Variants in NBEA observed in about 807,000 individuals in gnomAD.
NBEA encodes the protein neurobeachin.
A neutral mutation model predicts 343.4 loss-of-function variants in NBEA; 44 were observed. The observed-to-expected ratio is 0.13, with a 90% confidence interval of 0.10 to 0.16. The LOEUF (loss-of-function observed/expected upper bound fraction) is 0.16, where lower values mean the gene tolerates loss of function less well. Among genes scored for constraint, NBEA ranks in the 10% least tolerant of loss-of-function variants. NBEA has a pLI of 1.00. For missense variants in NBEA, 2,555 were observed against 3,631.3 expected, an observed-to-expected ratio of 0.70 and a Z score of 7.62; for synonymous variants, 1,175 against 1,238.7, an observed-to-expected ratio of 0.95 and a Z score of 1.08.
chr13:35,561,327 C>T (rs1054784961), intron 44 of NBEA, among the ~76,000 whole-genome samples: 10 of 151,986 alleles, frequency 6.6e-5, no homozygotes, highest in Non-Finnish European at 1.3e-4. Flanking sequence ...ATTCTTTAAA[C>T]GTCTTGGATT....
intron 33 of NBEA, among the ~76,000 whole-genome samples, chr13:35,231,606 A>G (rs868494316): frequency 7.9e-5 from 12 of 152,198 alleles, no homozygotes; most frequent in African/African-American, 1.4e-4. Context: ...AAAAAAGTGA[A>G]CATTATTGAC....
intron 18 of NBEA, among the ~76,000 whole-genome samples, chr13:35,145,040 A>ACTT (rs2068331677): frequency 6.6e-6 from 1 of 152,164 alleles, no homozygotes; most frequent in African/African-American, 2.4e-5. Context: ...CTGTTAGTAA[A>ACTT]TCTTTTGAAC....
At position 35,118,487 on chromosome 13, in the gene NBEA, T is replaced by C. The variant is rs190048789; in HGVS notation, c.2243+13T>C. ...GAAATGGAATAAGGTATGATTATAATATTAGTATTACTATTAGACTTTAAT... is the reference window on the plus strand; with the variant it reads ...GAAATGGAATAAGGTATGATTATAACATTAGTATTACTATTAGACTTTAAT... On this transcript the variant is annotated intron_variant, in intron 16 of 58. Transcript: ENST00000379939. 574 of 1,545,928 alleles carry C rather than the reference T, an allele frequency of 3.7e-4. 1 individual carries two copies. In the African/African-American group the frequency reaches 7.1e-3, roughly 19 times the overall value.
chr13:34,983,618 A>T (rs1346358045), intron 1 of NBEA, among the ~76,000 whole-genome samples: 1 of 152,160 alleles, frequency 6.6e-6, no homozygotes, highest in Non-Finnish European at 1.5e-5. Flanking sequence ...CAATGGTTGA[A>T]CTAGTTTACA....
chr13:35,118,229 A>G lies in NBEA; in HGVS notation c.2084A>G (p.Asp695Gly). ...LLFLKQLILK[D>G]RGVKEDELQS... The stretch of plus-strand genomic sequence containing the variant: ...AATAAAATATTTTTTAAAAATTAGG[A>G]TCGAGGGGTCAAGGAAGATGAACTT... Residue 695 changes from aspartate to glycine, a missense_variant and splice_region_variant, in exon 15 of 59, where the codon GAT becomes GGT. Coordinates refer to ENST00000379939, the MANE Select transcript of NBEA (RefSeq NM_001385012.1). The G allele has an allele frequency of 6.7e-7, 1 of 1,493,590 alleles. No individual in the cohort carries two copies. The highest frequency in any genetic ancestry group is 9.0e-7 in the Non-Finnish European group (1 of 1,115,128). The allele number at this position is 1,493,590 out of a possible 1,614,324, so 92.5% of individuals were successfully genotyped here. A position where few individuals can be genotyped will look rare whatever the true frequency, so the allele number is the denominator to read the frequency against.
chr13:35,357,265 T>C (rs1037915725), intron 38 of NBEA, among the ~76,000 whole-genome samples: 2 of 152,038 alleles, frequency 1.3e-5, no homozygotes, highest in Non-Finnish European at 2.9e-5. Flanking sequence ...CTGTGTAATC[T>C]CGAACAGAGA....
chr13:35,641,621 T>C (rs972461370), intron 49 of NBEA, among the ~76,000 whole-genome samples: 4 of 152,156 alleles, frequency 2.6e-5, no homozygotes, highest in Non-Finnish European at 5.9e-5. Flanking sequence ...GAATAAAAAA[T>C]AATTGATGAT....
intron 48 of NBEA, among the ~76,000 whole-genome samples, chr13:35,611,767 A>G (rs147845137): frequency 2.6e-5 from 4 of 152,322 alleles, no homozygotes; most frequent in African/African-American, 9.6e-5. Context: ...ACATAATACT[A>G]CCACATTGTG....
At chr13:35,503,983 C>A (rs952948064) in intron 41 of NBEA, among the ~76,000 whole-genome samples, 10 of 151,912 alleles carry the variant, frequency 6.6e-5, no homozygotes, top group Admixed American at 6.6e-5. Flanking sequence ...TTGAAGTGTG[C>A]AAAATTTATG....
At chr13:35,141,777 T>G (rs1193728961) in intron 17 of NBEA, among the ~76,000 whole-genome samples, 1 of 152,198 alleles carries the variant, frequency 6.6e-6, no homozygotes, top group Non-Finnish European at 1.5e-5. Context: ...TCTCTTTAAT[T>G]ATGCAGAATT....
At chr13:35,608,582 G>A (rs950923937) in intron 48 of NBEA, among the ~76,000 whole-genome samples, 6 of 152,118 alleles carry the variant, frequency 3.9e-5, no homozygotes, top group South Asian at 2.1e-4. Context: ...TAGTTGTTCA[G>A]GAAATATTTC....
At chr13:35,307,417 C>T (rs1055100622) in intron 35 of NBEA, among the ~76,000 whole-genome samples, 4 of 152,048 alleles carry the variant, frequency 2.6e-5, no homozygotes, top group Admixed American at 2.6e-4. Context: ...CTTACTTCTA[C>T]TGTTCCTCCA....
At chr13:35,328,259 C>T (rs1307250882) in intron 36 of NBEA, among the ~76,000 whole-genome samples, 1 of 151,750 alleles carries the variant, frequency 6.6e-6, no homozygotes, top group East Asian at 1.9e-4. Flanking sequence ...ATAAAATAAA[C>T]CATTATAATA....
At chr13:35,099,343 C>T (rs1414003012) in intron 11 of NBEA, among the ~76,000 whole-genome samples, 3 of 151,850 alleles carry the variant, frequency 2.0e-5, no homozygotes, top group Admixed American at 1.3e-4. Flanking sequence ...GAACTACAGG[C>T]GCCCACCACC....
At chr13:35,230,885 C>G (rs2074933842) in intron 33 of NBEA, among the ~76,000 whole-genome samples, 1 of 152,032 alleles carries the variant, frequency 6.6e-6, no homozygotes, top group Non-Finnish European at 1.5e-5. Flanking sequence ...CACAGACCTG[C>G]TGAATCAGAG....
At chr13:35,561,311 C>T (rs1218279612) in intron 44 of NBEA, among the ~76,000 whole-genome samples, 1 of 151,912 alleles carries the variant, frequency 6.6e-6, no homozygotes, top group East Asian at 1.9e-4. Flanking sequence ...AATTACTGGA[C>T]GAGGGATTCT....
At chr13:35,136,488 T>C (rs2067735581) in intron 17 of NBEA, among the ~76,000 whole-genome samples, 1 of 152,150 alleles carries the variant, frequency 6.6e-6, no homozygotes. Context: ...AAGTAATGTA[T>C]GGAAAAAGCA....
chr13:35,287,445 A>G (rs531886837), intron 34 of NBEA, among the ~76,000 whole-genome samples: 2 of 151,992 alleles, frequency 1.3e-5, no homozygotes, highest in Non-Finnish European at 2.9e-5. Context: ...TCAAAACCAT[A>G]TAATTTTCCT....
chr13:35,539,793 G>A (rs1227681081), intron 41 of NBEA, among the ~76,000 whole-genome samples: 1 of 151,222 alleles, frequency 6.6e-6, no homozygotes, highest in Non-Finnish European at 1.5e-5. Flanking sequence ...GCGGGCGCCT[G>A]TAGTCCCAGC....
Sources: gnomAD v4.1 joint callset for allele counts (sites outside exome capture counted in the v4.1 genomes callset) on GRCh38, gnomAD v4.1.1 for gene constraint, MANE v1.5 for transcripts, NCBI Gene and HGNC (gene_info 2026-07-23, HGNC 2026-07-21) for gene names.